NLRP9: variants seen among roughly 807,000 people sequenced by gnomAD.
NLRP9 encodes the protein NACHT, LRR and PYD domains-containing protein 9.
NLRP9 carries 88 observed loss-of-function variants against 83.1 expected under a neutral mutation model. The observed-to-expected ratio is 1.06, with a 90% CI of 0.89 to 1.26. The LOEUF is 1.26. NLRP9 is among the 50% of genes most tolerant of loss of function. NLRP9 has a pLI of 0.00. For missense variants in NLRP9, 1,308 were observed against 1,179.3 expected (o/e 1.11, Z -1.60); for synonymous variants, 521 against 447.6 (o/e 1.16, Z -2.07).
At chr19:55,710,947 A>G (rs1000991056) in intron 8 of NLRP9, among the ~76,000 whole-genome samples, 2 of 152,066 alleles carry the variant, frequency 1.3e-5, no homozygotes, top group African/African-American at 4.8e-5. Flanking sequence ...TTAGCTGAGC[A>G]TGGTGGTGAG....
chr19:55,727,182 G>T (rs1988427820), intron 3 of NLRP9, among the ~76,000 whole-genome samples: 1 of 152,152 alleles, frequency 6.6e-6, no homozygotes, highest in Admixed American at 6.5e-5. Context: ...AACCTGGGAG[G>T]CGGAGGTTGC....
chr19:55,719,909 T>C (rs1057315285), intron 4 of NLRP9, among the ~76,000 whole-genome samples: 2 of 152,116 alleles, frequency 1.3e-5, no homozygotes, highest in African/African-American at 2.4e-5. Context: ...ATTAAGCACA[T>C]TGCCTACAAT....
Position 55,733,216 on chromosome 19 carries a change from G to C in NLRP9, c.615C>G (p.Asp205Glu). Reference sequence around the variant, plus strand: ...CGATCTTCTCTGAAGACTCCGGCCAGTCCCTAGAGAGGAGCTCCAGTAAGC... The same window carrying C: ...CGATCTTCTCTGAAGACTCCGGCCACTCCCTAGAGAGGAGCTCCAGTAAGC... ...ETSLLELLSRDWPESSEKIED... is the reference protein window; with the variant it reads ...ETSLLELLSREWPESSEKIED... Residue 205 changes from aspartate (D) to glutamate (E), a missense_variant, in exon 2 of 9, where the codon GAC (aspartate) becomes GAG (glutamate). Transcript: ENST00000332836. 6.2e-7 allele frequency: 1 copy of C among 1,613,660 alleles called. No homozygotes were observed. The highest frequency in any genetic ancestry group is 8.5e-7 in the Non-Finnish European group (1 of 1,179,720).
intron 3 of NLRP9, among the ~76,000 whole-genome samples, chr19:55,725,194 T>C (rs572086708): frequency 7.9e-5 from 12 of 152,220 alleles, no homozygotes; most frequent in African/African-American, 1.2e-4. Context: ...TATGTGTCTA[T>C]AAGCCAGATA....
In NLRP9 at chr19:55,723,986, T is replaced by C; in HGVS notation, c.2153A>G (p.Glu718Gly). The C allele has an allele frequency of 1.2e-6, 2 of 1,611,362 alleles. No homozygotes were observed. The highest frequency in any genetic ancestry group is 1.7e-6 in the Non-Finnish European group (2 of 1,178,962). Residue 718 changes from glutamate to glycine, a missense_variant, in exon 4 of 9, where the codon GAG (glutamate) becomes GGG (glycine). Glu to Gly is a moderately conservative substitution (Grantham distance 98). Transcript: ENST00000332836. ...TLKHPMCKIEELILGKCDISS... is the reference protein window; with the variant it reads ...TLKHPMCKIEGLILGKCDISS... ...ATGAACAGCCCGGACTTACATCAGC[T>C]CTTCTATCTTGCACATTGGATGTTT...
intron 4 of NLRP9, among the ~76,000 whole-genome samples, chr19:55,720,505 T>C (rs898959382): frequency 4.6e-5 from 7 of 152,136 alleles, no homozygotes; most frequent in Non-Finnish European, 1.0e-4. Flanking sequence ...TTTTTTGTTT[T>C]GTTTTTAGAG....
In NLRP9 at chr19:55,711,108, C is replaced by A. The variant is rs868706625; in HGVS notation, c.2843+692G>T. Among the ~76,000 whole-genome samples, 261 of 144,700 alleles carry A rather than the reference C, an allele frequency of 1.8e-3. 3 individuals carry two copies. Among genetic ancestry groups the A allele is most frequent in the African/African-American group, 2.3e-3 (90 of 38,688 alleles). 94.9% of individuals were successfully genotyped at this position (144,700 alleles called of 152,430 possible). ...CTCAAAAAAACAAAACAAAACAAAA[C>A]AAAAAAAAAACCTTAAACAACATAT... On this transcript the variant is annotated intron_variant, in intron 8 of 8. Transcript: ENST00000332836.
At chr19:55,724,448 C>T (rs756092783) in intron 3 of NLRP9, among the ~76,000 whole-genome samples, 12 of 152,156 alleles carry the variant, frequency 7.9e-5, no homozygotes, top group Non-Finnish European at 1.5e-4. Flanking sequence ...GGGACAGGAA[C>T]AAACTATACT....
intron 6 of NLRP9, among the ~76,000 whole-genome samples, chr19:55,714,791 C>T (rs1230251957): frequency 1.3e-5 from 2 of 152,096 alleles, no homozygotes; most frequent in Non-Finnish European, 2.9e-5. Flanking sequence ...GGCATTTTCT[C>T]ACGGCGTCCA....
intron 4 of NLRP9, among the ~76,000 whole-genome samples, chr19:55,718,790 C>G (rs1988123770): frequency 1.3e-5 from 2 of 152,204 alleles, no homozygotes. Flanking sequence ...ACTGTTCTTT[C>G]TCTATACTTT....
Position 55,716,727 on chromosome 19 carries a change from C to T in NLRP9, c.2330+1G>A, listed in dbSNP as rs1988028848. Reference sequence around the variant, plus strand: ...AACGTGCTTCCCGCAGACCAACTTACATCAGCCTCTCCAGGGCACAGTGTG... The same window carrying T: ...AACGTGCTTCCCGCAGACCAACTTATATCAGCCTCTCCAGGGCACAGTGTG... On this transcript the variant is annotated splice_donor_variant, in intron 5 of 8. Transcript: ENST00000332836. LOFTEE classifies it high-confidence loss of function. The T allele has an allele frequency of 1.9e-6, 3 of 1,612,854 alleles. No individual in the cohort carries two copies. Among genetic ancestry groups the T allele is most frequent in the Middle Eastern group, 1.7e-4 (1 of 6,038 alleles).
intron 8 of NLRP9, 56 bp from the exon 9 acceptor site, chr19:55,709,100 C>CCT (rs1396494223): frequency 7.6e-7 from 1 of 1,314,032 alleles, no homozygotes; most frequent in Non-Finnish European, 1.0e-6. Flanking sequence ...CACAGTATTG[C>CCT]CTCTCTACAT....
At chr19:55,729,535 T>C (rs1988508296) in intron 3 of NLRP9, among the ~76,000 whole-genome samples, 1 of 152,026 alleles carries the variant, frequency 6.6e-6, no homozygotes, top group Non-Finnish European at 1.5e-5. Context: ...GGTTTCCAGC[T>C]TCGTCCATGT....
intron 1 of NLRP9, among the ~76,000 whole-genome samples, chr19:55,736,704 C>CAT (rs997171457): frequency 2.0e-5 from 3 of 151,846 alleles, no homozygotes; most frequent in African/African-American, 7.3e-5. Context: ...CGTGGTGGTG[C>CAT]ATGCCTGTAA....
chr19:55,718,184 T>C (rs1180000122), intron 4 of NLRP9, among the ~76,000 whole-genome samples: 1 of 152,222 alleles, frequency 6.6e-6, no homozygotes, highest in African/African-American at 2.4e-5. Flanking sequence ...CACAATGCAC[T>C]GCGGAAAGCC....
At position 55,708,962 on chromosome 19, in the gene NLRP9, G is replaced by GT; in HGVS notation, c.2925dup (p.His976ThrfsTer6). On this transcript the variant is annotated frameshift_variant, in exon 9 of 9. Transcript: ENST00000332836. LOFTEE classifies it low-confidence loss of function (END_TRUNC). ...TATTCCTCGTCAATCCAAGGTCCAT[G>GT]TGAAATGGTCAGATGGGGAATTTTT... 1 of 1,589,072 alleles carries GT rather than the reference G, an allele frequency of 6.3e-7. No homozygotes were observed.
intron 4 of NLRP9, among the ~76,000 whole-genome samples, chr19:55,722,282 T>C (rs931826209): frequency 2.6e-5 from 4 of 152,094 alleles, no homozygotes; most frequent in Admixed American, 6.5e-5. Context: ...TAAAACCCTA[T>C]GCAAATAACA....
At chr19:55,717,620 G>C (rs1463166498) in intron 4 of NLRP9, among the ~76,000 whole-genome samples, 4 of 152,180 alleles carry the variant, frequency 2.6e-5, no homozygotes, top group African/African-American at 9.7e-5. Flanking sequence ...ACAAGAAATA[G>C]GAAAACCCAA....
At chr19:55,717,260 T>C (rs1374223654) in intron 4 of NLRP9, among the ~76,000 whole-genome samples, 1 of 152,158 alleles carries the variant, frequency 6.6e-6, no homozygotes, top group African/African-American at 2.4e-5. Flanking sequence ...CTCGAACTCC[T>C]GACCTCAAGA....
Sources: gnomAD v4.1 joint callset for allele counts (sites outside exome capture counted in the v4.1 genomes callset) on GRCh38, gnomAD v4.1.1 for gene constraint, MANE v1.5 for transcripts, NCBI Gene and HGNC (gene_info 2026-07-23, HGNC 2026-07-21) for gene names.